The following USP13 variants were observed in gnomAD, a reference collection of about 807,000 sequenced individuals.
USP13 encodes ubiquitin carboxyl-terminal hydrolase 13.
In USP13, 68 loss-of-function variants were observed where a neutral mutation model predicts 107.8. The observed-to-expected ratio is 0.63, with a 90% CI of 0.52 to 0.77. The LOEUF is 0.77. USP13 is among the 30% of genes least tolerant of loss of function. The pLI is 0.00. For synonymous variants in USP13, 377 were observed against 389.5 expected, an observed-to-expected ratio of 0.97 and a Z score of 0.38; for missense variants, 945 against 1,093.3, an observed-to-expected ratio of 0.86 and a Z score of 1.91.
At chr3:179,731,161 G>A (rs988476292) in intron 10 of USP13, among the ~76,000 whole-genome samples, 3 of 152,036 alleles carry the variant, frequency 2.0e-5, no homozygotes, top group African/African-American at 7.2e-5. Flanking sequence ...CTATAATCCC[G>A]GCACTTTGGG....
chr3:179,725,896 C>G (rs574743864), intron 8 of USP13, among the ~76,000 whole-genome samples: 1 of 152,180 alleles, frequency 6.6e-6, no homozygotes, highest in Non-Finnish European at 1.5e-5. Flanking sequence ...CTGATTCACT[C>G]TCACGAGAAC....
At chr3:179,702,112 C>T (rs1576936610) in intron 4 of USP13, among the ~76,000 whole-genome samples, 1 of 152,098 alleles carries the variant, frequency 6.6e-6, no homozygotes, top group Admixed American at 6.6e-5. Flanking sequence ...CTCCACCTCC[C>T]GGGTTCACGC....
intron 18 of USP13, among the ~76,000 whole-genome samples, chr3:179,764,617 C>T (rs572008706): frequency 1.9e-3 from 282 of 152,266 alleles, no homozygotes; most frequent in South Asian, 4.1e-3. Context: ...TTGGAATTCT[C>T]TGCTGCTGTT....
chr3:179,691,046 G>A (rs572584526), intron 3 of USP13, among the ~76,000 whole-genome samples: 1 of 152,040 alleles, frequency 6.6e-6, no homozygotes, highest in South Asian at 2.1e-4. Context: ...GTGTGTGTCT[G>A]TAGTCTCAGT....
intron 10 of USP13, among the ~76,000 whole-genome samples, chr3:179,731,399 A>G (rs747458415): frequency 6.6e-6 from 1 of 152,160 alleles, no homozygotes; most frequent in Non-Finnish European, 1.5e-5. Context: ...GTAAGACTCC[A>G]TATCAAACAA....
At chr3:179,695,681 C>A (rs576244213) in intron 3 of USP13, among the ~76,000 whole-genome samples, 3 of 152,228 alleles carry the variant, frequency 2.0e-5, no homozygotes, top group South Asian at 4.1e-4. Context: ...AAGGGCTCCT[C>A]AGTGAAAATT....
At position 179,707,015 on chromosome 3, in the gene USP13, C is replaced by A; in HGVS notation, c.559C>A (p.Pro187Thr). The A allele has an allele frequency of 6.2e-7, 1 of 1,614,084 alleles. No individual in the cohort carries two copies. Residue 187 changes from proline (P) to threonine (T), a missense_variant, in exon 5 of 21, where the codon CCA becomes ACA. Coordinates refer to ENST00000263966, the MANE Select transcript of USP13 (RefSeq NM_003940.3). ...QDPDTWENEL[P>T]VSKYANNLTQ... is the part of the protein sequence containing the mutation. ...CCCAGACACGTGGGAAAATGAATTG[C>A]CAGTATCTAAATATGCCAACAACCT...
At position 179,785,373 on chromosome 3, in the gene USP13, A is replaced by G. The variant is rs896618121; in HGVS notation, c.*1232A>G. ...CAAAGAAACTTTATACAACATTATGAAAGACTATCCTTTCCATTTTGGTTA... is the reference window on the plus strand; with the variant it reads ...CAAAGAAACTTTATACAACATTATGGAAGACTATCCTTTCCATTTTGGTTA... On this transcript the variant is annotated 3_prime_UTR_variant, in exon 21 of 21. Coordinates refer to ENST00000263966, the MANE Select transcript of USP13 (RefSeq NM_003940.3). The G allele has an allele frequency of 6.6e-6, 1 of 152,182 alleles. No homozygotes were observed. The highest frequency in any genetic ancestry group is 1.5e-5 in the Non-Finnish European group (1 of 68,032). 9.4% of individuals were successfully genotyped at this position (152,182 alleles called of 1,614,324 possible). A position where few individuals can be genotyped will look rare whatever the true frequency, so the allele number is the denominator to read the frequency against.
rs200761055 is a variant in USP13 at position 179,742,254 on chromosome 3, C to T, written c.1438C>T (p.Arg480Cys). The T allele has an allele frequency of 1.1e-3, 1,799 of 1,614,196 alleles. 27 individuals carry two copies. The South Asian group carries it at 0.013, about 12-fold the overall frequency. ...TGTTTTTCGTTTTTTGGTGGAAGAA[C>T]GCATTCAGTGCTGTCAGACCCGGAA... is the stretch of plus-strand genomic sequence containing the variant. ...SDVFRFLVEE[R>C]IQCCQTRKVR... The change falls in exon 12 of 21, where the codon CGC (arginine) becomes TGC (cysteine). Residue 480 changes from arginine (R) to cysteine (C), a missense_variant. Coordinates refer to ENST00000263966, the MANE Select transcript of USP13 (RefSeq NM_003940.3). This position sits in a 1 kb window ranked among gnomAD's most constrained non-coding sequence, Gnocchi z 5.0.
chr3:179,676,714 T>C (rs1324523151), intron 1 of USP13, among the ~76,000 whole-genome samples: 2 of 152,190 alleles, frequency 1.3e-5, no homozygotes, highest in Non-Finnish European at 2.9e-5. Context: ...GTTTGTTCTA[T>C]ATGTGACAGG....
intron 2 of USP13, among the ~76,000 whole-genome samples, chr3:179,685,835 T>C (rs906331234): frequency 3.9e-5 from 6 of 152,166 alleles, no homozygotes; most frequent in African/African-American, 4.8e-5. Flanking sequence ...TTTTGATCAT[T>C]TGTTGTAGGT....
chr3:179,755,195 C>T (rs904354709), intron 15 of USP13, among the ~76,000 whole-genome samples: 1 of 152,190 alleles, frequency 6.6e-6, no homozygotes, highest in Non-Finnish European at 1.5e-5. Context: ...ACTGTGATGG[C>T]ATCTCACCTC....
intron 13 of USP13, among the ~76,000 whole-genome samples, chr3:179,749,000 T>C (rs1205163716): frequency 6.6e-6 from 1 of 152,196 alleles, no homozygotes; most frequent in East Asian, 1.9e-4. Context: ...GTTATTTCTG[T>C]TATGTTTATC....
At chr3:179,777,627 G>A (rs1409397719) in intron 19 of USP13, among the ~76,000 whole-genome samples, 1 of 150,844 alleles carries the variant, frequency 6.6e-6, no homozygotes, top group African/African-American at 2.4e-5. Context: ...TAATTTTTTT[G>A]TATTTGTAGA....
intron 6 of USP13, among the ~76,000 whole-genome samples, chr3:179,713,545 G>A (rs2108487471): frequency 6.6e-6 from 1 of 152,246 alleles, no homozygotes; most frequent in Admixed American, 6.5e-5. Flanking sequence ...ATCTCTCGGT[G>A]AAGTTTCCAC....
chr3:179,784,397 A>G lies in USP13; in HGVS notation c.*256A>G. 2.8e-6 allele frequency: 1 copy of G among 355,104 alleles called. No homozygotes were observed. Among genetic ancestry groups the G allele is most frequent in the Non-Finnish European group, 5.1e-6 (1 of 196,186 alleles). The allele number at this position is 355,104 out of a possible 1,614,324, so 22.0% of individuals were successfully genotyped here. ...GATGATGATATTTAAAAACAAAAAA[A>G]GTATTCATATTGCTGGTGGAGGATC... On this transcript the variant is annotated 3_prime_UTR_variant, in exon 21 of 21. Coordinates refer to ENST00000263966, the MANE Select transcript of USP13 (RefSeq NM_003940.3).
intron 1 of USP13, among the ~76,000 whole-genome samples, chr3:179,660,324 C>T (rs1720421498): frequency 6.6e-6 from 1 of 152,194 alleles, no homozygotes; most frequent in South Asian, 2.1e-4. Context: ...ATTCAACTTT[C>T]TGTCTCTATG....
intron 1 of USP13, among the ~76,000 whole-genome samples, chr3:179,671,021 G>C (rs970816068): frequency 7.9e-5 from 12 of 152,080 alleles, no homozygotes; most frequent in African/African-American, 2.7e-4. Flanking sequence ...CGGAGGCCAA[G>C]ATGGGTGGAT....
chr3:179,686,814 G>C (rs971706314), intron 2 of USP13, among the ~76,000 whole-genome samples: 3 of 152,182 alleles, frequency 2.0e-5, no homozygotes, highest in Non-Finnish European at 4.4e-5. Context: ...AATGTTACTT[G>C]ACTTTTTGAG....
Sources: gnomAD v4.1 joint callset for allele counts (sites outside exome capture counted in the v4.1 genomes callset) on GRCh38, gnomAD v4.1.1 for gene constraint, Gnocchi (gnomAD v3.1) non-coding constraint, MANE v1.5 for transcripts, NCBI Gene and HGNC (gene_info 2026-07-23, HGNC 2026-07-21) for gene names.